TRPM3: variants seen among roughly 807,000 people sequenced by gnomAD.
TRPM3 encodes the protein long transient receptor potential channel 3.
A neutral mutation model predicts 181.2 loss-of-function variants in TRPM3; 77 were observed. That is an observed-to-expected ratio of 0.42 (90% CI 0.35 to 0.51). The LOEUF (loss-of-function observed/expected upper bound fraction) is 0.51, where lower values mean the gene tolerates loss of function less well. Ranked by LOEUF, TRPM3 falls within the 20% of genes least tolerant of loss-of-function variation. TRPM3 has a pLI of 0.01. For synonymous variants in TRPM3, 745 were observed against 796.4 expected (o/e 0.94, Z 1.09); for missense variants, 1,759 against 2,196.7 (o/e 0.80, Z 3.98).
Position 70,681,594 on chromosome 9 carries a change from A to G in TRPM3, c.1273-16T>C. On this transcript the variant is annotated splice_polypyrimidine_tract_variant and intron_variant, in intron 8 of 25. Transcript: ENST00000677713. ...ATACCGTAATCTGCAATTTGAGACA[A>G]GGTGATCATTAGCAAAGCATTTTTC... is the stretch of plus-strand genomic sequence containing the variant. 4 of 1,612,370 alleles carry G rather than the reference A, an allele frequency of 2.5e-6. No individual in the cohort carries two copies. The highest frequency in any genetic ancestry group is 3.4e-6 in the Non-Finnish European group (4 of 1,178,482).
intron 1 of TRPM3, among the ~76,000 whole-genome samples, chr9:71,220,606 G>A (rs1025148860): frequency 3.9e-5 from 6 of 151,960 alleles, no homozygotes; most frequent in African/African-American, 7.3e-5. Context: ...GTAAATCTTC[G>A]TCTCAGATAG....
intron 21 of TRPM3, among the ~76,000 whole-genome samples, chr9:70,597,165 T>A (rs2059169765): frequency 6.6e-6 from 1 of 152,150 alleles, no homozygotes; most frequent in South Asian, 2.1e-4. Context: ...ACTCCCGACC[T>A]CAGGTGATCT....
chr9:70,916,332 C>T (rs967288037), intron 1 of TRPM3, among the ~76,000 whole-genome samples: 3 of 152,028 alleles, frequency 2.0e-5, no homozygotes, highest in Non-Finnish European at 4.4e-5. Flanking sequence ...ATAGTAAGTA[C>T]ACAGAAAAAT....
chr9:71,172,067 T>C (rs2076892038), intron 1 of TRPM3, among the ~76,000 whole-genome samples: 1 of 152,114 alleles, frequency 6.6e-6, no homozygotes, highest in African/African-American at 2.4e-5. Flanking sequence ...CCTGGCCAGT[T>C]TTTTTGTTTT....
At chr9:71,001,442 C>T (rs2097600009) in intron 1 of TRPM3, among the ~76,000 whole-genome samples, 1 of 152,162 alleles carries the variant, frequency 6.6e-6, no homozygotes, top group Non-Finnish European at 1.5e-5. Context: ...TAACAGTGAA[C>T]CTGATAGTTC....
intron 1 of TRPM3, among the ~76,000 whole-genome samples, chr9:71,161,898 A>G (rs2076288334): frequency 6.6e-6 from 1 of 152,110 alleles, no homozygotes; most frequent in Admixed American, 6.6e-5. Flanking sequence ...CATTTAGAAC[A>G]GTTTAATTAA....
intron 1 of TRPM3, among the ~76,000 whole-genome samples, chr9:71,259,292 C>T (rs1458273609): frequency 1.3e-5 from 2 of 152,146 alleles, no homozygotes; most frequent in Non-Finnish European, 2.9e-5. Flanking sequence ...TCCAGTCTAA[C>T]AATGATAGGC....
intron 22 of TRPM3, among the ~76,000 whole-genome samples, chr9:70,561,598 C>A (rs1050212118): frequency 2.6e-5 from 4 of 152,222 alleles, no homozygotes; most frequent in East Asian, 1.9e-4. Context: ...GCACCATCTA[C>A]TAGCATCCCC....
intron 1 of TRPM3, among the ~76,000 whole-genome samples, chr9:71,277,801 A>T (rs2132169112): frequency 6.6e-6 from 1 of 152,394 alleles, no homozygotes; most frequent in Non-Finnish European, 1.5e-5. Flanking sequence ...TGCTTCAGCA[A>T]TGTGTAATCC....
At chr9:70,813,025 AG>A (rs1440258122) in intron 6 of TRPM3, among the ~76,000 whole-genome samples, 3 of 152,234 alleles carry the variant, frequency 2.0e-5, no homozygotes, top group Non-Finnish European at 4.4e-5. Flanking sequence ...AGAGCAGACA[AG>A]GAGTTTAGAG....
intron 1 of TRPM3, among the ~76,000 whole-genome samples, chr9:71,371,463 A>G (rs375831420): frequency 1.3e-5 from 2 of 152,360 alleles, no homozygotes; most frequent in East Asian, 3.9e-4. Flanking sequence ...GCATCAGTGG[A>G]GGAAGTAACT....
chr9:70,942,149 C>G (rs962401897), intron 1 of TRPM3, among the ~76,000 whole-genome samples: 1 of 152,098 alleles, frequency 6.6e-6, no homozygotes, highest in Non-Finnish European at 1.5e-5. Flanking sequence ...AGATATTTTC[C>G]AGAAACAGGG....
intron 1 of TRPM3, among the ~76,000 whole-genome samples, chr9:71,362,181 T>C (rs2092175280): frequency 6.6e-6 from 1 of 152,232 alleles, no homozygotes; most frequent in Non-Finnish European, 1.5e-5. Flanking sequence ...AGGGTTCCCC[T>C]ATCCCCAGTC....
chr9:71,362,340 A>G (rs2092183625), intron 1 of TRPM3, among the ~76,000 whole-genome samples: 1 of 152,220 alleles, frequency 6.6e-6, no homozygotes, highest in South Asian at 2.1e-4. Context: ...CTGACCTCAG[A>G]AACAGCAGGG....
chr9:71,204,920 G>A (rs1001219540), intron 1 of TRPM3, among the ~76,000 whole-genome samples: 2 of 152,122 alleles, frequency 1.3e-5, no homozygotes, highest in African/African-American at 2.4e-5. Context: ...GTAGGGACAT[G>A]GATGAAGCCA....
intron 6 of TRPM3, among the ~76,000 whole-genome samples, chr9:70,808,009 C>A (rs995903): frequency 0.28 from 42,003 of 151,976 alleles, 7,378 homozygotes; most frequent in African/African-American, 0.5. Flanking sequence ...TAGGGTATAT[C>A]ATTTAAGGGA....
chr9:70,910,825 T>G (rs919754599), intron 1 of TRPM3, among the ~76,000 whole-genome samples: 1 of 152,208 alleles, frequency 6.6e-6, no homozygotes, highest in Non-Finnish European at 1.5e-5. Flanking sequence ...ACTATTATTG[T>G]CTGAGCTCTT....
intron 1 of TRPM3, among the ~76,000 whole-genome samples, chr9:71,294,982 A>C (rs1176333777): frequency 6.6e-6 from 1 of 152,200 alleles, no homozygotes; most frequent in African/African-American, 2.4e-5. Flanking sequence ...TTTAGATGTA[A>C]TTATCTCTGT....
At chr9:70,935,628 C>G (rs574383273) in intron 1 of TRPM3, among the ~76,000 whole-genome samples, 9 of 152,094 alleles carry the variant, frequency 5.9e-5, no homozygotes, top group Non-Finnish European at 1.2e-4. Flanking sequence ...TGATGTGTGT[C>G]CTATATACTT....
Sources: gnomAD v4.1 joint callset for allele counts (sites outside exome capture counted in the v4.1 genomes callset) on GRCh38, gnomAD v4.1.1 for gene constraint, MANE v1.5 for transcripts, NCBI Gene and HGNC (gene_info 2026-07-23, HGNC 2026-07-21) for gene names.